ARHGAP1: variants seen among roughly 807,000 people sequenced by gnomAD.
ARHGAP1 encodes the protein rho GTPase-activating protein 1.
In ARHGAP1, 23 loss-of-function variants were observed where a neutral mutation model predicts 52.2. That is an observed-to-expected ratio of 0.44 (90% CI 0.32 to 0.62). The LOEUF (loss-of-function observed/expected upper bound fraction) is 0.62. ARHGAP1 is among the 20% of genes least tolerant of loss of function. The pLI, the probability that ARHGAP1 is intolerant of heterozygous loss-of-function variation, is 0.05. For missense variants in ARHGAP1, 480 were observed against 560.9 expected, an observed-to-expected ratio of 0.86 and a Z score of 1.46; for synonymous variants, 210 against 228.4, an observed-to-expected ratio of 0.92 and a Z score of 0.73.
At chr11:46,695,925 C>A (rs376115632) in intron 2 of ARHGAP1, 50 bp downstream of exon 2, 1 of 1,612,930 alleles carries the variant, frequency 6.2e-7, no homozygotes, top group African/African-American at 1.3e-5. Flanking sequence ...AGAAGGAGTG[C>A]TTCCCCCTCT....
chr11:46,681,429 C>G lies in ARHGAP1; in HGVS notation c.450-50G>C. On this transcript the variant is annotated intron_variant, in intron 5 of 12. Transcript: ENST00000311956. The surrounding 1 kb of genome is among the most constrained non-coding windows in gnomAD (Gnocchi z 5.7). ...AGGAGCAGGCGTGGTGGGACAGGTG[C>G]CACGCTAGGGTCCCAGTGCATACTT... 7.2e-7 allele frequency: 1 copy of G among 1,394,308 alleles called. No individual in the cohort carries two copies. Among genetic ancestry groups the G allele is most frequent in the Non-Finnish European group, 1.0e-6 (1 of 980,698 alleles). The allele number at this position is 1,394,308 out of a possible 1,614,324, so 86.4% of individuals were successfully genotyped here.
chr11:46,695,991 A>G lies in ARHGAP1; in HGVS notation c.117T>C (p.Pro39=). The G allele has an allele frequency of 6.2e-7, 1 of 1,614,198 alleles. No homozygotes were observed. The highest frequency in any genetic ancestry group is 2.2e-5 in the East Asian group (1 of 44,880). The change falls in exon 2 of 13, where the codon CCT becomes CCC. Residue 39 remains proline, a synonymous_variant. Transcript: ENST00000311956. ...DEKNWPSDEM[P]DFPKSDDSKS... Reference sequence around the variant, plus strand: ...CAAGCCCACCTGACTTGGGGAAGTCAGGCATTTCATCCGAGGGCCAGTTCT... The same window carrying G: ...CAAGCCCACCTGACTTGGGGAAGTCGGGCATTTCATCCGAGGGCCAGTTCT...
chr11:46,677,656 A>G lies in ARHGAP1; in HGVS notation c.*1381T>C. On this transcript the variant is annotated 3_prime_UTR_variant, in exon 13 of 13. Transcript: ENST00000311956. ...CATCACTGGGGCCGAGGTTCTTTGAAAGACAACAGGGCTGGCCGGGTGCAG... is the reference window on the plus strand; with the variant it reads ...CATCACTGGGGCCGAGGTTCTTTGAGAGACAACAGGGCTGGCCGGGTGCAG... The G allele has an allele frequency of 4.3e-6, 1 of 230,766 alleles. No homozygotes were observed. The highest frequency in any genetic ancestry group is 4.2e-5 in the South Asian group (1 of 23,538). 14.3% of individuals were successfully genotyped at this position (230,766 alleles called of 1,614,324 possible).
intron 3 of ARHGAP1, 153 bp downstream of exon 3, chr11:46,695,507 T>G (rs1390522367): frequency 1.2e-6 from 1 of 812,342 alleles, no homozygotes; most frequent in Non-Finnish European, 2.1e-6. Flanking sequence ...GCTTTCTGAC[T>G]TCAAAGCCAC....
At chr11:46,699,378 G>A (rs2064681053) in intron 1 of ARHGAP1, among the ~76,000 whole-genome samples, 1 of 152,176 alleles carries the variant, frequency 6.6e-6, no homozygotes, top group Non-Finnish European at 1.5e-5. Flanking sequence ...GCACTGATGA[G>A]GCATGTTCTA....
At chr11:46,688,411 A>G (rs2064588072) in intron 3 of ARHGAP1, 151 bp from the exon 4 acceptor site, 1 of 722,460 alleles carries the variant, frequency 1.4e-6, no homozygotes, top group Non-Finnish European at 2.4e-6. Context: ...AGCCTCCTGC[A>G]TGCAAGGGTG....
Position 46,696,305 on chromosome 11 carries a change from A to C in ARHGAP1, c.-49-149T>G. On this transcript the variant is annotated intron_variant, in intron 1 of 12. Coordinates refer to ENST00000311956, the MANE Select transcript of ARHGAP1 (RefSeq NM_004308.5). The surrounding 1 kb of genome is among the most constrained non-coding windows in gnomAD (Gnocchi z 4.8). ...ACTCCTCATCCCCGCCAAGAGCTCC[A>C]CGTAGCTCTGGGTTCTCCTGGCTCC... 3.3e-6 allele frequency: 2 copies of C among 598,852 alleles called. No homozygotes were observed. The highest frequency in any genetic ancestry group is 5.8e-6 in the Non-Finnish European group (2 of 345,326). 37.1% of individuals were successfully genotyped at this position (598,852 alleles called of 1,614,324 possible). A position where few individuals can be genotyped will look rare whatever the true frequency, so the allele number is the denominator to read the frequency against.
intron 4 of ARHGAP1, among the ~76,000 whole-genome samples, chr11:46,684,436 G>A (rs903307518): frequency 2.6e-5 from 4 of 151,972 alleles, no homozygotes; most frequent in African/African-American, 9.7e-5. Flanking sequence ...TGAGATGAAC[G>A]AAAACATTTT....
intron 4 of ARHGAP1, among the ~76,000 whole-genome samples, chr11:46,683,406 C>T (rs746236112): frequency 1.4e-4 from 21 of 152,030 alleles, no homozygotes; most frequent in Non-Finnish European, 2.4e-4. Context: ...CCAGTGCCGG[C>T]GGTAAAACAC....
chr11:46,685,063 G>A (rs1286355427), intron 4 of ARHGAP1, among the ~76,000 whole-genome samples: 2 of 149,422 alleles, frequency 1.3e-5, no homozygotes, highest in East Asian at 4.0e-4. Flanking sequence ...ACTCCAGCCT[G>A]GGTGACAGAG....
intron 3 of ARHGAP1, among the ~76,000 whole-genome samples, chr11:46,690,904 C>T (rs2064609192): frequency 6.6e-6 from 1 of 151,210 alleles, no homozygotes; most frequent in African/African-American, 2.4e-5. Flanking sequence ...TTTTAAGAGA[C>T]AGGGTCTTGC....
intron 4 of ARHGAP1, among the ~76,000 whole-genome samples, chr11:46,684,537 TCAAC>T (rs1395184746): frequency 1.6e-4 from 25 of 152,150 alleles, no homozygotes; most frequent in Non-Finnish European, 1.5e-5. Context: ...ATTGGTTAAA[TCAAC>T]CACGTGACAA....
chr11:46,695,097 C>A, intron 3 of ARHGAP1: 1 of 202,708 alleles, frequency 4.9e-6, no homozygotes, highest in Non-Finnish European at 1.0e-5. Context: ...TGGGTCCCCC[C>A]TTATGAACAG....
At position 46,679,997 on chromosome 11, in the gene ARHGAP1, T is replaced by C. The variant is rs566850959; in HGVS notation, c.898+208A>G. ...CCCGGCACACCCCACCGTTATTCCT[T>C]GCCTCTGAATGTGCCTATACCCAGG... On this transcript the variant is annotated intron_variant, in intron 10 of 12. Coordinates refer to ENST00000311956, the MANE Select transcript of ARHGAP1 (RefSeq NM_004308.5). The surrounding 1 kb of genome is among the most constrained non-coding windows in gnomAD (Gnocchi z 4.4). 6.6e-6 allele frequency among the ~76,000 whole-genome samples: 1 copy of C among 152,192 alleles called. No homozygotes were observed. Among genetic ancestry groups the C allele is most frequent in the South Asian group, 2.1e-4 (1 of 4,820 alleles).
rs766098806 is a variant in ARHGAP1 at position 46,680,740 on chromosome 11, C to T, written c.643G>A (p.Asp215Asn). The stretch of plus-strand genomic sequence containing the variant: ...CTCTTCTGTGTGGATTTCAGGAAGT[C>T]GTCATATCTGTAGGAGTAGAGGGAG... ...GIPRQVLKYD[D>N]FLKSTQKSPA... The change falls in exon 8 of 13, where the codon GAC becomes AAC. Residue 215 changes from aspartate to asparagine, a missense_variant. Asp to Asn is a conservative substitution (Grantham distance 23). Transcript: ENST00000311956. This position sits in a 1 kb window ranked among gnomAD's most constrained non-coding sequence, Gnocchi z 5.9. The T allele has an allele frequency of 1.9e-6, 3 of 1,549,812 alleles. No homozygotes were observed. Among genetic ancestry groups the T allele is most frequent in the South Asian group, 2.5e-5 (2 of 80,832 alleles).
chr11:46,678,016 A>T lies in ARHGAP1; in HGVS notation c.*1021T>A, dbSNP rs1292433320. On this transcript the variant is annotated 3_prime_UTR_variant, in exon 13 of 13. Coordinates refer to ENST00000311956, the MANE Select transcript of ARHGAP1 (RefSeq NM_004308.5). ...AAATTGCTAGAACCCACCTATCTGG[A>T]CTGACCTATCAGCACAATCTCTGCC... 2.4e-6 allele frequency: 1 copy of T among 418,280 alleles called. No individual in the cohort carries two copies. The highest frequency in any genetic ancestry group is 3.0e-5 in the Admixed American group (1 of 33,282). 25.9% of individuals were successfully genotyped at this position (418,280 alleles called of 1,614,324 possible).
rs1246944795 is a variant in ARHGAP1 at position 46,677,594 on chromosome 11, G to C, written c.*1443C>G. The C allele has an allele frequency of 3.8e-5, 8 of 212,642 alleles. No individual in the cohort carries two copies. In the East Asian group the frequency reaches 1.2e-3, roughly 33 times the overall value. The allele number at this position is 212,642 out of a possible 1,614,324, so 13.2% of individuals were successfully genotyped here. A position where few individuals can be genotyped will look rare whatever the true frequency, so the allele number is the denominator to read the frequency against. ...TGCAGGAAGAGGGATCCCCAGGAAG[G>C]AGTGTAATTCTACGAGACAGTGGGA... On this transcript the variant is annotated 3_prime_UTR_variant, in exon 13 of 13. Transcript: ENST00000311956.
rs11822837 is a variant in ARHGAP1, at chr11:46,679,391, G to A, written c.1105C>T (p.Arg369Cys). 359 of 1,614,182 alleles carry A rather than the reference G, an allele frequency of 2.2e-4. No individual in the cohort carries two copies. The African/African-American group carries it at 4.3e-3, about 19-fold the overall frequency. Reference protein sequence around the residue: ...TLPEENYQVLRFLTAFLVQIS... With the variant: ...TLPEENYQVLCFLTAFLVQIS... Reference sequence around the variant, plus strand: ...TGCACCAGGAAAGCAGTCAGGAAACGAAGCACCTGGTAGTTCTCCTCGGGC... The same window carrying A: ...TGCACCAGGAAAGCAGTCAGGAAACAAAGCACCTGGTAGTTCTCCTCGGGC... The change falls in exon 12 of 13, where the codon CGT (arginine) becomes TGT (cysteine). Residue 369 changes from arginine to cysteine, a missense_variant. By Grantham distance (180) the Arg-to-Cys change is radical. Transcript: ENST00000311956. The surrounding 1 kb of genome is among the most constrained non-coding windows in gnomAD (Gnocchi z 4.4).
Position 46,682,131 on chromosome 11 carries a change from C to T in ARHGAP1, c.369G>A (p.Leu123=), listed in dbSNP as rs1393964598. 1 of 1,614,194 alleles carries T rather than the reference C, an allele frequency of 6.2e-7. No homozygotes were observed. Among genetic ancestry groups the T allele is most frequent in the Non-Finnish European group, 8.5e-7 (1 of 1,180,032 alleles). The change falls in exon 5 of 13, where the codon CTG becomes CTA. Residue 123 remains leucine, a synonymous_variant. Transcript: ENST00000311956. ...CGCTGGTCAGGCCGTGGTGCAGATA[C>T]AGAAGTGTGTAGTCACTCTCCACGT... is the stretch of plus-strand genomic sequence containing the variant. The part of the protein sequence containing the change: ...DQYVESDYTL[L]YLHHGLTSDN...
Sources: gnomAD v4.1 joint callset for allele counts (sites outside exome capture counted in the v4.1 genomes callset) on GRCh38, gnomAD v4.1.1 for gene constraint, Gnocchi (gnomAD v3.1) non-coding constraint, MANE v1.5 for transcripts, NCBI Gene and HGNC (gene_info 2026-07-23, HGNC 2026-07-21) for gene names.